Variants in FAM53A observed in about 807,000 individuals in gnomAD.
FAM53A encodes protein FAM53A.
FAM53A carries 28 observed loss-of-function variants against 26.6 expected under a neutral mutation model. The ratio of observed to expected loss-of-function variants is 1.05; its 90% confidence interval spans 0.78 to 1.45. The LOEUF (loss-of-function observed/expected upper bound fraction) is 1.45, where lower values mean the gene tolerates loss of function less well. Ranked by LOEUF, FAM53A falls within the 40% of genes most tolerant of loss-of-function variation. The probability of loss-of-function intolerance (pLI) is 0.00; values close to 1 mark genes in which losing one functional copy is unlikely to be tolerated. For missense variants in FAM53A, 650 were observed against 575.8 expected, an observed-to-expected ratio of 1.13 and a Z score of -1.32; for synonymous variants, 290 against 253.1, an observed-to-expected ratio of 1.15 and a Z score of -1.38.
At chr4:1,602,841 G>C in the FAM53A span, among the ~76,000 whole-genome samples, 1 of 152,112 alleles carries the variant, frequency 6.6e-6, no homozygotes, top group Non-Finnish European at 1.5e-5. Flanking sequence ...AGCAGGAGCC[G>C]GCTCCGGCGG....
intron 1 of FAM53A, among the ~76,000 whole-genome samples, chr4:1,674,786 C>T (rs911327205): frequency 3.3e-5 from 5 of 152,186 alleles, no homozygotes; most frequent in African/African-American, 9.7e-5. Context: ...CGATTCCACA[C>T]ACACAATGTC....
At chr4:1,685,779 G>T (rs1341749633), upstream of FAM53A, among the ~76,000 whole-genome samples, 1 of 152,152 alleles carries the variant, frequency 6.6e-6, no homozygotes, top group South Asian at 2.1e-4. Flanking sequence ...TGCTGGCCAG[G>T]TTACCCAAAG....
At chr4:1,661,969 T>C (rs1210263508) in intron 2 of FAM53A, among the ~76,000 whole-genome samples, 1 of 152,084 alleles carries the variant, frequency 6.6e-6, no homozygotes, top group Non-Finnish European at 1.5e-5. Context: ...GCTTGTGCAC[T>C]GTGTCACTCC....
At chr4:1,635,606 C>T (rs1308809639), downstream of FAM53A, among the ~76,000 whole-genome samples, 1 of 152,076 alleles carries the variant, frequency 6.6e-6, no homozygotes, top group Admixed American at 6.6e-5. Flanking sequence ...CTAATACAGT[C>T]ACTGAGGACT....
chr4:1,624,673 C>T (rs542649156), intron 1 of FAM53A, among the ~76,000 whole-genome samples: 30 of 152,338 alleles, frequency 2.0e-4, no homozygotes, highest in African/African-American at 5.1e-4. Flanking sequence ...CCCGCCACCA[C>T]GCCAGGTACC....
At position 1,669,844 on chromosome 4, in the gene FAM53A, C is replaced by A. The variant is rs560280162; in HGVS notation, c.-164-939G>T. ...GAACTTCCAGAGAAAAAGAAGAGTG[C>A]CTGGGAATTAAGACAGCAGTGACGG... On this transcript the variant is annotated intron_variant, in intron 1 of 4. Transcript: ENST00000308132. 2.4e-4 allele frequency among the ~76,000 whole-genome samples: 37 copies of A among 152,322 alleles called. 1 individual carries two copies. Among genetic ancestry groups the A allele is most frequent in the African/African-American group, 8.4e-4 (35 of 41,578 alleles).
chr4:1,658,071 T>C (rs62287702), intron 2 of FAM53A, among the ~76,000 whole-genome samples: 42,656 of 150,554 alleles, frequency 0.28, 6,554 homozygotes, highest in Middle Eastern at 0.46. Flanking sequence ...AGTGCAGTGG[T>C]GCTATCTCTG....
downstream of FAM53A, among the ~76,000 whole-genome samples, chr4:1,634,908 A>AAT (rs1026924395): frequency 4.6e-5 from 7 of 152,086 alleles, no homozygotes; most frequent in African/African-American, 1.7e-4. Context: ...CTCAAAAAAA[A>AAT]AAAAATAAAA....
At position 1,648,979 on chromosome 4, in the gene FAM53A, G is replaced by C. The variant is rs550946458; in HGVS notation, c.882+5999C>G. Reference sequence around the variant, plus strand: ...AATACAAAAATTAGCCAGGTGTGGTGGTGGGCGCCTACAATCCCAGACACT... The same window carrying C: ...AATACAAAAATTAGCCAGGTGTGGTCGTGGGCGCCTACAATCCCAGACACT... On this transcript the variant is annotated intron_variant, in intron 4 of 4. Coordinates refer to ENST00000308132, the MANE Select transcript of FAM53A (RefSeq NM_001174070.3). 1.3e-4 allele frequency among the ~76,000 whole-genome samples: 20 copies of C among 152,276 alleles called. No homozygotes were observed. The East Asian group carries it at 3.7e-3, about 28-fold the overall frequency.
intron 2 of FAM53A, among the ~76,000 whole-genome samples, chr4:1,660,261 C>G (rs1560179858): frequency 6.6e-6 from 1 of 151,708 alleles, no homozygotes; most frequent in Non-Finnish European, 1.5e-5. Flanking sequence ...CCAGCCTGGG[C>G]AACAAGAGCA....
At chr4:1,590,961 T>TACATATAC in the FAM53A span, among the ~76,000 whole-genome samples, 4 of 76,540 alleles carry the variant, frequency 5.2e-5, no homozygotes, top group Non-Finnish European at 2.4e-5. Context: ...AATGCATATA[T>TACATATAC]ATATATATAT....
In FAM53A at chr4:1,641,140, C is replaced by A. The variant is rs1387465303; in HGVS notation, c.*153G>T. On this transcript the variant is annotated 3_prime_UTR_variant, in exon 5 of 5. Transcript: ENST00000308132. ...CTCTGTGCCCCAGGGCAGGTGCCGGCGGCAGCCGTGGCCCCGACCAGCTCA... is the reference window on the plus strand; with the variant it reads ...CTCTGTGCCCCAGGGCAGGTGCCGGAGGCAGCCGTGGCCCCGACCAGCTCA... 1.2e-5 allele frequency: 7 copies of A among 605,732 alleles called. No homozygotes were observed. Among genetic ancestry groups the A allele is most frequent in the Non-Finnish European group, 2.0e-5 (7 of 353,560 alleles). 37.5% of individuals were successfully genotyped at this position (605,732 alleles called of 1,614,324 possible).
downstream of FAM53A, among the ~76,000 whole-genome samples, chr4:1,636,134 G>A (rs1027620964): frequency 1.6e-4 from 24 of 152,006 alleles, no homozygotes; most frequent in East Asian, 3.9e-4. Context: ...GGCGTGAGCC[G>A]CCACGCCCGG....
the FAM53A span, among the ~76,000 whole-genome samples, chr4:1,606,688 C>A: frequency 6.6e-6 from 1 of 152,128 alleles, no homozygotes; most frequent in Admixed American, 6.5e-5. Context: ...CATTGAAGAA[C>A]CCCCTTCCTT....
exon 2 of FAM53A, chr4:1,618,108 C>T (rs1287552123): frequency 6.6e-6 from 3 of 456,264 alleles, no homozygotes; most frequent in Non-Finnish European, 8.8e-6. Context: ...GTCCGTGAGG[C>T]AACCTGGAAG....
At chr4:1,682,607 G>T (rs542343875) in intron 1 of FAM53A, among the ~76,000 whole-genome samples, 1 of 151,994 alleles carries the variant, frequency 6.6e-6, no homozygotes, top group South Asian at 2.1e-4. Context: ...CCAATGCACC[G>T]GTGAAAAATA....
Position 1,652,893 on chromosome 4 carries a change from GACACCAC to G in FAM53A, c.882+2078_882+2084del, listed in dbSNP as rs532742698. Among the ~76,000 whole-genome samples the G allele has an allele frequency of 5.8e-3, 741 of 127,978 alleles. 6 individuals are homozygous for G. The highest frequency in any genetic ancestry group is 0.021 in the African/African-American group (709 of 33,166). 84.0% of individuals were successfully genotyped at this position (127,978 alleles called of 152,430 possible). On this transcript the variant is annotated intron_variant, in intron 4 of 4. Coordinates refer to ENST00000308132, the MANE Select transcript of FAM53A (RefSeq NM_001174070.3). Reference sequence around the variant, plus strand: ...CACACCAAACACCACACATACCACAGACACCACACACTACACACCAGACAGCACTCAC... The same window carrying G: ...CACACCAAACACCACACATACCACAGACACTACACACCAGACAGCACTCAC...
the FAM53A span, among the ~76,000 whole-genome samples, chr4:1,589,733 C>G: frequency 6.6e-6 from 1 of 151,688 alleles, no homozygotes; most frequent in African/African-American, 2.4e-5. Context: ...TCATAATTTT[C>G]CCTTCATTAT....
At chr4:1,653,428 C>A (rs1713052910) in intron 4 of FAM53A, among the ~76,000 whole-genome samples, 1 of 152,188 alleles carries the variant, frequency 6.6e-6, no homozygotes, top group Non-Finnish European at 1.5e-5. Context: ...GTCGCTGGCA[C>A]CATCATTCCC....
Sources: allele counts gnomAD v4.1 joint callset (sites outside exome capture counted in the v4.1 genomes callset), GRCh38; gene constraint gnomAD v4.1.1; transcripts MANE v1.5; gene names NCBI Gene and HGNC (gene_info 2026-07-23, HGNC 2026-07-21).